Variants in SGK1 observed in about 807,000 individuals in gnomAD.
SGK1 encodes the protein serine/threonine-protein kinase Sgk1.
Under a neutral mutation model 64.2 loss-of-function variants are expected in SGK1, and 26 were observed. The ratio of observed to expected loss-of-function variants is 0.40; its 90% CI spans 0.30 to 0.56. The LOEUF (loss-of-function observed/expected upper bound fraction) is 0.56. SGK1 is among the 20% of genes least tolerant of loss of function. The pLI is 0.38. For synonymous variants in SGK1, 265 were observed against 239.7 expected, an observed-to-expected ratio of 1.11 and a Z score of -0.98; for missense variants, 519 against 645.6, an observed-to-expected ratio of 0.80 and a Z score of 2.12.
intron 2 of SGK1, among the ~76,000 whole-genome samples, chr6:134,225,775 A>G (rs1472874741): frequency 2.6e-5 from 4 of 152,050 alleles, no homozygotes; most frequent in African/African-American, 4.8e-5. Flanking sequence ...AAAGAAAAAA[A>G]TAAATAAGTA....
chr6:134,194,803 G>A (rs1231332656), intron 3 of SGK1, among the ~76,000 whole-genome samples: 1 of 152,152 alleles, frequency 6.6e-6, no homozygotes, highest in African/African-American at 2.4e-5. Flanking sequence ...GATTACAGGC[G>A]TGAACCACTG....
At chr6:134,263,733 T>G (rs1206624399) in intron 1 of SGK1, among the ~76,000 whole-genome samples, 1 of 152,156 alleles carries the variant, frequency 6.6e-6, no homozygotes, top group Non-Finnish European at 1.5e-5. Context: ...AAGGCACTTT[T>G]TAAAGTGTTT....
At chr6:134,285,721 GT>G (rs991210928) in intron 1 of SGK1, among the ~76,000 whole-genome samples, 9 of 150,246 alleles carry the variant, frequency 6.0e-5, no homozygotes, top group African/African-American at 1.7e-4. Context: ...TTTTGATGGG[GT>G]TTTTTTTTCT....
chr6:134,263,926 A>G (rs1372535688), intron 1 of SGK1, among the ~76,000 whole-genome samples: 2 of 152,062 alleles, frequency 1.3e-5, no homozygotes, highest in Non-Finnish European at 2.9e-5. Context: ...TAAATGAAGA[A>G]TAAAAAATTA....
At chr6:134,265,376 C>T (rs2114752628) in intron 1 of SGK1, among the ~76,000 whole-genome samples, 1 of 151,898 alleles carries the variant, frequency 6.6e-6, no homozygotes, top group African/African-American at 2.4e-5. Flanking sequence ...AGGAGAATCG[C>T]TTGACCCCTG....
intron 3 of SGK1, among the ~76,000 whole-genome samples, chr6:134,198,608 T>C (rs540208623): frequency 6.6e-6 from 1 of 152,162 alleles, no homozygotes; most frequent in East Asian, 1.9e-4. Context: ...GTAGTCCATA[T>C]GTTTTCAAAT....
At chr6:134,205,684 T>G (rs1476902808) in intron 3 of SGK1, among the ~76,000 whole-genome samples, 3 of 152,246 alleles carry the variant, frequency 2.0e-5, no homozygotes, top group African/African-American at 7.2e-5. Flanking sequence ...TTCAGCTTAT[T>G]ATTTCATTTC....
intron 1 of SGK1, among the ~76,000 whole-genome samples, chr6:134,295,413 CCCTT>C (rs369678031): frequency 6.8e-4 from 103 of 152,280 alleles, no homozygotes; most frequent in African/African-American, 2.4e-3. Flanking sequence ...TTTTAGAAAG[CCCTT>C]CTAGGACCAG....
chr6:134,171,475 G>A (rs1233079927), intron 11 of SGK1, 162 bp downstream of exon 11: 7 of 621,968 alleles, frequency 1.1e-5, no homozygotes, highest in African/African-American at 1.8e-5. Context: ...AAAGAACCAG[G>A]TAAGTGATTA....
intron 1 of SGK1, among the ~76,000 whole-genome samples, chr6:134,310,094 C>G (rs1777588292): frequency 6.6e-6 from 1 of 150,928 alleles, no homozygotes; most frequent in Admixed American, 6.6e-5. Flanking sequence ...ACTCCTGCCC[C>G]CTCATTTTGG....
chr6:134,315,192 G>T (rs1777660703), intron 1 of SGK1, among the ~76,000 whole-genome samples: 1 of 152,182 alleles, frequency 6.6e-6, no homozygotes, highest in Non-Finnish European at 1.5e-5. Context: ...TACAGAATTT[G>T]TGGAATAAAC....
chr6:134,286,019 G>A (rs114076020), intron 1 of SGK1, among the ~76,000 whole-genome samples: 174 of 152,282 alleles, frequency 1.1e-3, no homozygotes, highest in African/African-American at 4.0e-3. Flanking sequence ...AAGAATTAAA[G>A]TGAGTTTTCT....
chr6:134,300,996 G>A (rs542804341), intron 1 of SGK1, among the ~76,000 whole-genome samples: 71 of 152,134 alleles, frequency 4.7e-4, no homozygotes, highest in Non-Finnish European at 7.5e-4. Context: ...GACGTTGGGA[G>A]AAAAGAAAGA....
chr6:134,194,360 C>A (rs1775563956), intron 3 of SGK1, among the ~76,000 whole-genome samples: 1 of 152,082 alleles, frequency 6.6e-6, no homozygotes, highest in African/African-American at 2.4e-5. Flanking sequence ...ACCAGTCAAG[C>A]TGTTTGTGTA....
chr6:134,301,693 C>G (rs1394111978), intron 1 of SGK1, among the ~76,000 whole-genome samples: 1 of 152,024 alleles, frequency 6.6e-6, no homozygotes. Context: ...TGGGCTCAAG[C>G]GATCTTCCCA....
chr6:134,233,312 T>A (rs1776318419), intron 2 of SGK1, among the ~76,000 whole-genome samples: 2 of 152,212 alleles, frequency 1.3e-5, no homozygotes, highest in Admixed American at 1.3e-4. Flanking sequence ...TCTGGACTTT[T>A]GCAAAAATAA....
At chr6:134,261,686 G>C in intron 2 of SGK1, 1 of 603,490 alleles carries the variant, frequency 1.7e-6, no homozygotes, top group South Asian at 2.1e-5. Flanking sequence ...GGGGACAAGC[G>C]TATATGGGTA....
intron 2 of SGK1, among the ~76,000 whole-genome samples, chr6:134,256,552 G>A (rs948467578): frequency 2.6e-5 from 4 of 152,208 alleles, no homozygotes; most frequent in South Asian, 2.1e-4. Flanking sequence ...TAAAGGTGCC[G>A]TGGGAGATAC....
chr6:134,252,616 C>CA (rs11418007), intron 2 of SGK1, among the ~76,000 whole-genome samples: 52,019 of 66,258 alleles, frequency 0.79, 21,812 homozygotes, highest in Non-Finnish European at 0.8. Flanking sequence ...GATTCCACCT[C>CA]AAAAAAAAAA....
Sources: allele counts gnomAD v4.1 joint callset (sites outside exome capture counted in the v4.1 genomes callset), GRCh38; gene constraint gnomAD v4.1.1; transcripts MANE v1.5; gene names NCBI Gene and HGNC (gene_info 2026-07-23, HGNC 2026-07-21).